ABCC1: variants seen among roughly 807,000 people sequenced by gnomAD.
ABCC1 encodes ATP binding cassette subfamily C member 1 (ABCC1 blood group).
Under a neutral mutation model 172.9 loss-of-function variants are expected in ABCC1, and 83 were observed. The ratio of observed to expected loss-of-function variants is 0.48; its 90% confidence interval spans 0.40 to 0.58. ABCC1 has a LOEUF of 0.58. Ranked by LOEUF, ABCC1 falls within the 20% of genes least tolerant of loss-of-function variation. The pLI, the probability that ABCC1 is intolerant of heterozygous loss-of-function variation, is 0.00. For synonymous variants in ABCC1, 937 were observed against 825.2 expected, an observed-to-expected ratio of 1.14 and a Z score of -2.32; for missense variants, 1,817 against 2,002.7, an observed-to-expected ratio of 0.91 and a Z score of 1.77.
At chr16:15,952,065 C>A (rs2045886811) in intron 1 of ABCC1, among the ~76,000 whole-genome samples, 1 of 152,164 alleles carries the variant, frequency 6.6e-6, no homozygotes, top group Non-Finnish European at 1.5e-5. Flanking sequence ...AACTGTGTGA[C>A]CTTGAGCAAG....
At chr16:16,062,755 G>A (rs1326317153) in intron 12 of ABCC1, among the ~76,000 whole-genome samples, 1 of 152,126 alleles carries the variant, frequency 6.6e-6, no homozygotes. Context: ...CTTCAAAGAC[G>A]ATGAGGTGTT....
intron 1 of ABCC1, among the ~76,000 whole-genome samples, chr16:15,978,345 G>A (rs1199678380): frequency 6.6e-6 from 1 of 152,082 alleles, no homozygotes; most frequent in Non-Finnish European, 1.5e-5. Flanking sequence ...TCCAGCCTGG[G>A]CAACAGAGTG....
intron 20 of ABCC1, 169 bp from the exon 21 acceptor site, chr16:16,106,569 A>G (rs903100241): frequency 1.6e-6 from 1 of 614,444 alleles, no homozygotes. Context: ...GGAGAGTGAC[A>G]TGGTGGGGTG....
chr16:16,019,845 C>A (rs1350982005), intron 5 of ABCC1, among the ~76,000 whole-genome samples: 1 of 152,138 alleles, frequency 6.6e-6, no homozygotes. Context: ...CTCTTCTCCC[C>A]AGTCATTGTT....
At chr16:16,138,325 G>C in intron 29 of ABCC1, 39 bp from the exon 30 acceptor site, 1 of 1,549,044 alleles carries the variant, frequency 6.5e-7, no homozygotes. Context: ...GGGGTGGTTT[G>C]ACCCAACACT....
chr16:15,970,963 T>C (rs2151536057), intron 1 of ABCC1, among the ~76,000 whole-genome samples: 1 of 152,306 alleles, frequency 6.6e-6, no homozygotes, highest in East Asian at 1.9e-4. Context: ...TCACTTCTAG[T>C]CTGCCTTATC....
At position 16,114,881 on chromosome 16, in the gene ABCC1, G is replaced by C. The variant is rs368631423; in HGVS notation, c.3195G>C (p.Glu1065Asp). The C allele has an allele frequency of 2.5e-6, 4 of 1,613,838 alleles. No homozygotes were observed. In the African/African-American group the frequency reaches 5.3e-5, roughly 22 times the overall value. Residue 1065 changes from glutamate (E) to aspartate (D), a missense_variant, in exon 23 of 31, where the codon GAG (glutamate) becomes GAC (aspartate). By Grantham distance (45) the Glu-to-Asp change is conservative. This residue lies in a region of ABCC1 where 1,412 missense variants were observed against 1,600.3 expected (regional missense o/e 0.88). Transcript: ENST00000399410. The stretch of plus-strand genomic sequence containing the variant: ...TGCGGTCACCCATGAGCTTCTTTGA[G>C]CGGACCCCCAGTGGGAACCTGGTGA... The part of the protein sequence containing the change: ...SILRSPMSFF[E>D]RTPSGNLVNR...
intron 11 of ABCC1, among the ~76,000 whole-genome samples, chr16:16,055,552 A>AAT: frequency 6.6e-6 from 1 of 151,484 alleles, no homozygotes; most frequent in Non-Finnish European, 1.5e-5. Flanking sequence ...TCCGTCACAA[A>AAT]AAAAAAAAGA....
chr16:16,101,818 T>C (rs1320311791), intron 19 of ABCC1, among the ~76,000 whole-genome samples: 1 of 152,232 alleles, frequency 6.6e-6, no homozygotes, highest in Non-Finnish European at 1.5e-5. Context: ...TCATTGTTGA[T>C]GTTCCGGTGA....
Position 15,969,691 on chromosome 16 carries a change from T to A in ABCC1, c.48+19892T>A, listed in dbSNP as rs867799535. Reference sequence around the variant, plus strand: ...CCCAGCCCATAGTCTTTTTTTTTTTTAAACCTCTGTGTACAGGTAGGTCCT... The same window carrying A: ...CCCAGCCCATAGTCTTTTTTTTTTTAAAACCTCTGTGTACAGGTAGGTCCT... On this transcript the variant is annotated intron_variant, in intron 1 of 30. Coordinates refer to ENST00000399410, the MANE Select transcript of ABCC1 (RefSeq NM_004996.4). 6.3e-4 allele frequency among the ~76,000 whole-genome samples: 95 copies of A among 151,990 alleles called. 2 individuals are homozygous for A. The highest frequency in any genetic ancestry group is 6.8e-3 in the Middle Eastern group (2 of 294).
intron 11 of ABCC1, among the ~76,000 whole-genome samples, chr16:16,054,226 C>T (rs112955198): frequency 0.14 from 21,012 of 152,054 alleles, 1,534 homozygotes; most frequent in Admixed American, 0.16. Context: ...CCACCCGCCT[C>T]GGCCTCCCAA....
chr16:16,098,394 G>GT (rs2051575487), intron 19 of ABCC1: 1 of 207,852 alleles, frequency 4.8e-6, no homozygotes, highest in Admixed American at 5.1e-5. Context: ...CAAGGCAGGT[G>GT]TATCAGCTGA....
chr16:16,014,989 G>A (rs950229586), intron 4 of ABCC1, among the ~76,000 whole-genome samples: 8 of 152,292 alleles, frequency 5.3e-5, no homozygotes, highest in African/African-American at 1.9e-4. Context: ...AGCCGGGAAC[G>A]GTGTTTGCAG....
intron 12 of ABCC1, among the ~76,000 whole-genome samples, chr16:16,067,438 A>G (rs891324242): frequency 3.3e-5 from 5 of 152,170 alleles, no homozygotes; most frequent in African/African-American, 9.7e-5. Flanking sequence ...AAATCTTCCA[A>G]CAAGAAATAA....
intron 1 of ABCC1, among the ~76,000 whole-genome samples, chr16:15,989,968 C>T (rs956634646): frequency 2.0e-5 from 3 of 151,806 alleles, no homozygotes; most frequent in African/African-American, 7.3e-5. Context: ...CTTCCCACTC[C>T]TGGGCTCAAG....
chr16:16,037,355 G>A (rs958720814), intron 7 of ABCC1, among the ~76,000 whole-genome samples: 1 of 152,172 alleles, frequency 6.6e-6, no homozygotes, highest in Non-Finnish European at 1.5e-5. Flanking sequence ...CCCTATGTAA[G>A]GCGTGCCCCA....
chr16:16,048,238 A>T lies in ABCC1; in HGVS notation c.1315A>T (p.Thr439Ser). The change falls in exon 10 of 31, where the codon ACG becomes TCG. Residue 439 changes from threonine (T) to serine (S), a missense_variant. Coordinates refer to ENST00000399410, the MANE Select transcript of ABCC1 (RefSeq NM_004996.4). ...VDAQRFMDLA[T>S]YINMIWSAPL... Reference sequence around the variant, plus strand: ...CGCTCAGAGGTTCATGGACTTGGCCACGTACATTAACATGATCTGGTCAGC... The same window carrying T: ...CGCTCAGAGGTTCATGGACTTGGCCTCGTACATTAACATGATCTGGTCAGC... 1.2e-6 allele frequency: 2 copies of T among 1,614,204 alleles called. No homozygotes were observed. Among genetic ancestry groups the T allele is most frequent in the Non-Finnish European group, 1.7e-6 (2 of 1,180,038 alleles).
intron 10 of ABCC1, among the ~76,000 whole-genome samples, chr16:16,051,447 A>G (rs2151900497): frequency 6.6e-6 from 1 of 152,248 alleles, no homozygotes; most frequent in East Asian, 1.9e-4. Context: ...TGATGGGATT[A>G]CAGGTGTCAG....
intron 1 of ABCC1, among the ~76,000 whole-genome samples, chr16:15,970,053 A>G (rs1440398329): frequency 6.7e-6 from 1 of 150,000 alleles, no homozygotes; most frequent in Non-Finnish European, 1.5e-5. Flanking sequence ...GGTTGGAGAG[A>G]AAAAAGGAGA....
Sources: allele counts gnomAD v4.1 joint callset (sites outside exome capture counted in the v4.1 genomes callset), GRCh38; gene constraint gnomAD v4.1.1; regional missense constraint gnomAD v4.1.1; transcripts MANE v1.5; gene names NCBI Gene and HGNC (gene_info 2026-07-23, HGNC 2026-07-21).